Variants in TSPAN14 observed in about 807,000 individuals in gnomAD.
TSPAN14 encodes the protein tetraspanin 14.
In TSPAN14, 16 loss-of-function variants were observed where a neutral mutation model predicts 36.6. The observed-to-expected ratio is 0.44, with a 90% confidence interval of 0.30 to 0.66. The LOEUF (loss-of-function observed/expected upper bound fraction) is 0.66. Ranked by LOEUF, TSPAN14 falls within the 30% of genes least tolerant of loss-of-function variation. The pLI is 0.12. For missense variants in TSPAN14, 231 were observed against 355.1 expected, an observed-to-expected ratio of 0.65 and a Z score of 2.81; for synonymous variants, 139 against 143.8, an observed-to-expected ratio of 0.97 and a Z score of 0.24.
intron 2 of TSPAN14, among the ~76,000 whole-genome samples, chr10:80,491,095 C>G (rs1847897438): frequency 6.6e-6 from 1 of 152,140 alleles, no homozygotes; most frequent in South Asian, 2.1e-4. Flanking sequence ...GGTGATTTAT[C>G]TTAGTATGTT....
intron 8 of TSPAN14, 30 bp downstream of exon 8, chr10:80,516,353 G>A (rs1189499328): frequency 1.2e-6 from 2 of 1,613,044 alleles, no homozygotes; most frequent in Admixed American, 1.7e-5. Context: ...AGGATTGGCA[G>A]GTGGCCTTTT....
chr10:80,501,029 T>C (rs145272944), intron 2 of TSPAN14, among the ~76,000 whole-genome samples: 85 of 152,252 alleles, frequency 5.6e-4, no homozygotes, highest in African/African-American at 1.9e-3. Flanking sequence ...TTTAGTCACC[T>C]AGGAGAACAA....
intron 2 of TSPAN14, among the ~76,000 whole-genome samples, chr10:80,503,124 G>A (rs962643580): frequency 1.1e-4 from 16 of 150,480 alleles, no homozygotes; most frequent in Admixed American, 6.0e-4. Flanking sequence ...GATGGGTGGG[G>A]ATGGAGCCTG....
chr10:80,485,201 G>C (rs929036420), intron 1 of TSPAN14, among the ~76,000 whole-genome samples: 2 of 53,658 alleles, frequency 3.7e-5, no homozygotes. Context: ...TCATGCGTGC[G>C]TGTGTGTGTG....
intron 2 of TSPAN14, among the ~76,000 whole-genome samples, chr10:80,491,621 A>G (rs1273456811): frequency 6.6e-6 from 1 of 152,180 alleles, no homozygotes; most frequent in African/African-American, 2.4e-5. Flanking sequence ...AGGGAGCTCT[A>G]CTAACTTGCC....
intron 1 of TSPAN14, among the ~76,000 whole-genome samples, chr10:80,454,752 G>A (rs866693510): frequency 6.4e-4 from 98 of 152,150 alleles, no homozygotes; most frequent in African/African-American, 2.2e-3. Context: ...GCTGCTGCTC[G>A]GGGCTCTGCT....
intron 8 of TSPAN14, among the ~76,000 whole-genome samples, chr10:80,516,725 G>A (rs1325584053): frequency 6.6e-6 from 1 of 152,214 alleles, no homozygotes; most frequent in East Asian, 1.9e-4. Flanking sequence ...GTCACCTGGG[G>A]CCTGAGGGTG....
chr10:80,485,642 A>G, intron 1 of TSPAN14: 1 of 985,452 alleles, frequency 1.0e-6, no homozygotes, highest in Non-Finnish European at 1.2e-6. Flanking sequence ...CCAGCCCCAC[A>G]GAGGGTCAGG....
At chr10:80,472,009 C>T (rs897576428) in intron 1 of TSPAN14, among the ~76,000 whole-genome samples, 2 of 152,030 alleles carry the variant, frequency 1.3e-5, no homozygotes, top group East Asian at 3.9e-4. Context: ...ACCCCATCTC[C>T]CTATGTAGCT....
chr10:80,503,031 C>T (rs1297520901), intron 2 of TSPAN14, among the ~76,000 whole-genome samples: 2 of 151,964 alleles, frequency 1.3e-5, no homozygotes, highest in African/African-American at 4.8e-5. Flanking sequence ...CCAGCTGTGA[C>T]CAATGAGGTC....
chr10:80,461,752 A>G (rs1172063138), intron 1 of TSPAN14, among the ~76,000 whole-genome samples: 1 of 152,042 alleles, frequency 6.6e-6, no homozygotes, highest in Non-Finnish European at 1.5e-5. Context: ...TCACTCCTGC[A>G]GAAAGACGGT....
At chr10:80,498,706 C>T (rs1175907239) in intron 2 of TSPAN14, among the ~76,000 whole-genome samples, 2 of 152,212 alleles carry the variant, frequency 1.3e-5, no homozygotes, top group East Asian at 1.9e-4. Flanking sequence ...CTCTGTCTGC[C>T]GTGCGGGAGG....
chr10:80,504,753 T>C, exon 3 of TSPAN14: 1 of 1,614,098 alleles, frequency 6.2e-7, no homozygotes. Flanking sequence ...TTCCTTGGAG[T>C]CGGGCTGTGG....
chr10:80,496,275 AT>A (rs1214086230), intron 2 of TSPAN14, among the ~76,000 whole-genome samples: 1 of 151,934 alleles, frequency 6.6e-6, no homozygotes, highest in African/African-American at 2.4e-5. Context: ...TGATTTTTAG[AT>A]TTTTTTCCTA....
rs577917152 is a variant in TSPAN14, at chr10:80,478,532, C to G, written c.-17-10685C>G. Among the ~76,000 whole-genome samples, 5 of 152,296 alleles carry G rather than the reference C, an allele frequency of 3.3e-5. No homozygotes were observed. The South Asian group carries it at 1.0e-3, about 32-fold the overall frequency. On this transcript the variant is annotated intron_variant, in intron 1 of 8. Transcript: ENST00000429989. ...TGAGCCAAGTAGTTGAAGGCAGACC[C>G]AGACTAGTACCCTCAGATGTCAATA... is the stretch of plus-strand genomic sequence containing the variant.
Position 80,509,269 on chromosome 10 carries a change from G to T in TSPAN14, c.280-32G>T. On this transcript the variant is annotated intron_variant, in intron 4 of 8. Coordinates refer to ENST00000429989, the Ensembl canonical transcript of TSPAN14. The surrounding 1 kb of genome is among the most constrained non-coding windows in gnomAD (Gnocchi z 4.7). Reference sequence around the variant, plus strand: ...TGTGGGGGTGCAGGCTGGTGGGGTGGTGACTTCTGCTCCCGTCCCCTTCCC... The same window carrying T: ...TGTGGGGGTGCAGGCTGGTGGGGTGTTGACTTCTGCTCCCGTCCCCTTCCC... 6.2e-7 allele frequency: 1 copy of T among 1,603,258 alleles called. No homozygotes were observed. The highest frequency in any genetic ancestry group is 1.9e-4 in the Middle Eastern group (1 of 5,172).
At chr10:80,504,125 T>C (rs377023948) in intron 2 of TSPAN14, among the ~76,000 whole-genome samples, 1 of 152,240 alleles carries the variant, frequency 6.6e-6, no homozygotes, top group African/African-American at 2.4e-5. Flanking sequence ...TTCCTGAGCA[T>C]AGATGCGCCC....
chr10:80,480,007 A>G (rs1847160173), intron 1 of TSPAN14, among the ~76,000 whole-genome samples: 2 of 141,612 alleles, frequency 1.4e-5, no homozygotes, highest in Admixed American at 1.4e-4. Context: ...GAGGTCCTTC[A>G]CATCCCTTGT....
chr10:80,491,450 A>C (rs895223596), intron 2 of TSPAN14, among the ~76,000 whole-genome samples: 8 of 152,088 alleles, frequency 5.3e-5, no homozygotes, highest in African/African-American at 1.9e-4. Flanking sequence ...TTGGACACCC[A>C]GTTGCTCCTC....
Sources: gnomAD v4.1 joint callset for allele counts (sites outside exome capture counted in the v4.1 genomes callset) on GRCh38, gnomAD v4.1.1 for gene constraint, Gnocchi (gnomAD v3.1) non-coding constraint, MANE v1.5 for transcripts, NCBI Gene and HGNC (gene_info 2026-07-23, HGNC 2026-07-21) for gene names.